TRHDE: variants seen among roughly 807,000 people sequenced by gnomAD.
The protein encoded by TRHDE is thyrotropin-releasing hormone-degrading ectoenzyme.
A neutral mutation model predicts 125.7 loss-of-function variants in TRHDE; 72 were observed. The ratio of observed to expected loss-of-function variants is 0.57; its 90% CI spans 0.47 to 0.70. The LOEUF is 0.70. TRHDE is among the 30% of genes least tolerant of loss of function. TRHDE has a pLI of 0.00. For missense variants in TRHDE, 1,110 were observed against 1,327.1 expected (o/e 0.84, Z 2.54); for synonymous variants, 509 against 509.1 (o/e 1.00, Z 0.00).
chr12:72,195,264 A>C (rs1478024649), intron 2 of TRHDE, among the ~76,000 whole-genome samples: 2 of 152,132 alleles, frequency 1.3e-5, no homozygotes, highest in Non-Finnish European at 2.9e-5. Flanking sequence ...GTGGGGACAC[A>C]ACCAAACCAC....
chr12:72,374,725 A>C (rs1871794763), intron 2 of TRHDE, among the ~76,000 whole-genome samples: 1 of 152,132 alleles, frequency 6.6e-6, no homozygotes, highest in South Asian at 2.1e-4. Context: ...CATGTTGAAG[A>C]CTGAGAACTG....
chr12:72,330,186 C>G (rs536690745), intron 2 of TRHDE, among the ~76,000 whole-genome samples: 69 of 152,186 alleles, frequency 4.5e-4, no homozygotes, highest in Admixed American at 2.2e-3. Context: ...CCAAAATGCC[C>G]CAGCTGCTTA....
chr12:72,245,584 C>T (rs1878560683), intron 2 of TRHDE, among the ~76,000 whole-genome samples: 1 of 152,004 alleles, frequency 6.6e-6, no homozygotes, highest in Non-Finnish European at 1.5e-5. Context: ...CCAGATGCAG[C>T]AGGATATTGT....
chr12:72,271,990 C>T (rs1879234255), upstream of TRHDE: 1 of 456,654 alleles, frequency 2.2e-6, no homozygotes. Flanking sequence ...GGACGGATCT[C>T]CGTCGTAGCT....
chr12:72,457,692 A>G (rs1482811434), intron 3 of TRHDE, among the ~76,000 whole-genome samples: 1 of 152,134 alleles, frequency 6.6e-6, no homozygotes, highest in African/African-American at 2.4e-5. Context: ...TGTTGTGTGA[A>G]CTACTAGTAC....
At chr12:72,424,694 A>G (rs1170061947) in intron 3 of TRHDE, among the ~76,000 whole-genome samples, 2 of 152,082 alleles carry the variant, frequency 1.3e-5, no homozygotes, top group African/African-American at 4.8e-5. Context: ...ACTTGTTTAT[A>G]CTTCTCTAAA....
At position 72,665,560 on chromosome 12, in the gene TRHDE, A is replaced by G. The variant is rs541706959; in HGVS notation, c.*2365A>G. The G allele has an allele frequency of 6.6e-6, 1 of 152,480 alleles. No homozygotes were observed. The highest frequency in any genetic ancestry group is 1.9e-4 in the East Asian group (1 of 5,176). 9.4% of individuals were successfully genotyped at this position (152,480 alleles called of 1,614,324 possible). On this transcript the variant is annotated 3_prime_UTR_variant, in exon 19 of 19. Transcript: ENST00000261180. ...GTTTTTTTAGTTGTTTAAATAAGTAATATTTTCAAAAGAATAAAATAACCA... is the reference window on the plus strand; with the variant it reads ...GTTTTTTTAGTTGTTTAAATAAGTAGTATTTTCAAAAGAATAAAATAACCA...
intron 3 of TRHDE, chr12:72,432,220 T>A (rs976977571): frequency 6.6e-6 from 1 of 152,202 alleles, no homozygotes; most frequent in African/African-American, 2.4e-5. Flanking sequence ...TACTCATACA[T>A]GGGTATGCAG....
chr12:72,182,894 C>G (rs1435683777), intron 2 of TRHDE, among the ~76,000 whole-genome samples: 1 of 152,060 alleles, frequency 6.6e-6, no homozygotes, highest in Non-Finnish European at 1.5e-5. Flanking sequence ...TGGCGAGAGG[C>G]TTATTTTCTC....
intron 2 of TRHDE, among the ~76,000 whole-genome samples, chr12:72,245,463 A>G (rs1028194532): frequency 6.6e-6 from 1 of 152,044 alleles, no homozygotes; most frequent in African/African-American, 2.4e-5. Context: ...GCACTCTACC[A>G]TCTCACAGTC....
intron 2 of TRHDE, among the ~76,000 whole-genome samples, chr12:72,128,071 T>C (rs775158242): frequency 1.2e-4 from 18 of 152,030 alleles, no homozygotes; most frequent in Admixed American, 5.9e-4. Context: ...TAGCAGAGTA[T>C]TGATCAGAGC....
At chr12:72,527,208 C>T (rs1482659392) in intron 6 of TRHDE, among the ~76,000 whole-genome samples, 1 of 152,102 alleles carries the variant, frequency 6.6e-6, no homozygotes, top group Non-Finnish European at 1.5e-5. Flanking sequence ...GAGCATGGCT[C>T]CTCCATTCCT....
chr12:72,656,437 C>A (rs1253702043), intron 17 of TRHDE, among the ~76,000 whole-genome samples: 2 of 151,906 alleles, frequency 1.3e-5, no homozygotes, highest in African/African-American at 4.8e-5. Flanking sequence ...TGCATTTTGC[C>A]TCAATTTCTA....
intron 2 of TRHDE, among the ~76,000 whole-genome samples, chr12:72,120,983 T>C (rs570079356): frequency 6.6e-6 from 1 of 152,256 alleles, no homozygotes; most frequent in South Asian, 2.1e-4. Context: ...CACCCCTCTT[T>C]AACTTTTTGT....
chr12:72,405,997 C>T (rs543437398), intron 3 of TRHDE, among the ~76,000 whole-genome samples: 14 of 152,220 alleles, frequency 9.2e-5, no homozygotes, highest in East Asian at 1.9e-4. Flanking sequence ...CTCACTAGCT[C>T]GTAGGACTTT....
chr12:72,247,934 T>C (rs756969838), intron 2 of TRHDE, among the ~76,000 whole-genome samples: 4 of 152,142 alleles, frequency 2.6e-5, no homozygotes, highest in Non-Finnish European at 4.4e-5. Flanking sequence ...TTATCTATCA[T>C]CTATCTTTTT....
rs1283762190 is a variant in TRHDE, at chr12:72,142,805, A to G, written n.279+37053A>G. Among the ~76,000 whole-genome samples, 7 of 151,934 alleles carry G rather than the reference A, an allele frequency of 4.6e-5. 1 individual carries two copies. The highest frequency in any genetic ancestry group is 1.3e-4 in the Admixed American group (2 of 15,256). ...GACGCCAAGAGGAGTTCAGTAGGGG[A>G]CAGTCAGGGAAGAGTCCGGCTGCTG... On this transcript the variant is annotated intron_variant and non_coding_transcript_variant, in intron 2 of 4. Transcript: ENST00000548156.
At chr12:72,529,541 C>A (rs1038529409) in intron 6 of TRHDE, among the ~76,000 whole-genome samples, 1 of 152,112 alleles carries the variant, frequency 6.6e-6, no homozygotes, top group African/African-American at 2.4e-5. Context: ...GTAAAAAGCA[C>A]AGTTTATAAA....
At position 72,381,884 on chromosome 12, in the gene TRHDE, G is replaced by A. The variant is rs138907852; in HGVS notation, c.1315+3763G>A. 8.1e-4 allele frequency among the ~76,000 whole-genome samples: 123 copies of A among 152,284 alleles called. No homozygotes were observed. The South Asian group carries it at 0.013, about 16-fold the overall frequency. On this transcript the variant is annotated intron_variant, in intron 3 of 18. Coordinates refer to ENST00000261180, the MANE Select transcript of TRHDE (RefSeq NM_013381.3). Reference sequence around the variant, plus strand: ...ACATTTAGGTGGCACTTTTATGTCTGTAAGAAATCCAGGTAGACAGTTGAA... The same window carrying A: ...ACATTTAGGTGGCACTTTTATGTCTATAAGAAATCCAGGTAGACAGTTGAA...
Sources: gnomAD v4.1 joint callset for allele counts (sites outside exome capture counted in the v4.1 genomes callset) on GRCh38, gnomAD v4.1.1 for gene constraint, MANE v1.5 for transcripts, NCBI Gene and HGNC (gene_info 2026-07-23, HGNC 2026-07-21) for gene names.